The following SDK1 variants were observed in gnomAD, a reference collection of about 807,000 sequenced individuals.
SDK1 encodes the protein protein sidekick-1.
SDK1 carries 157 observed loss-of-function variants against 245.5 expected under a neutral mutation model. The observed-to-expected ratio is 0.64, with a 90% CI of 0.56 to 0.73. The LOEUF (loss-of-function observed/expected upper bound fraction) is 0.73, where lower values mean the gene tolerates loss of function less well. Among genes scored for constraint, SDK1 ranks in the 30% least tolerant of loss-of-function variants. The pLI, the probability that SDK1 is intolerant of heterozygous loss-of-function variation, is 0.00. For synonymous variants in SDK1, 1,647 were observed against 1,278.5 expected (o/e 1.29, Z -6.15); for missense variants, 3,583 against 3,002.3 (o/e 1.19, Z -4.52).
intron 4 of SDK1, among the ~76,000 whole-genome samples, chr7:3,780,920 A>C (rs1185253924): frequency 6.6e-6 from 1 of 152,122 alleles, no homozygotes; most frequent in African/African-American, 2.4e-5. Flanking sequence ...TTACCTAGGA[A>C]GGCAAGCAGT....
At chr7:4,139,987 A>G (rs1041703709) in intron 28 of SDK1, among the ~76,000 whole-genome samples, 2 of 152,086 alleles carry the variant, frequency 1.3e-5, no homozygotes, top group Non-Finnish European at 2.9e-5. Context: ...GAGCCTATTC[A>G]TTGTGCACCT....
At chr7:4,039,832 G>T (rs6462547) in intron 17 of SDK1, among the ~76,000 whole-genome samples, 2 of 151,950 alleles carry the variant, frequency 1.3e-5, no homozygotes, top group Non-Finnish European at 2.9e-5. Flanking sequence ...CGAAGGGAAG[G>T]GGGTGGGGGA....
intron 40 of SDK1, among the ~76,000 whole-genome samples, chr7:4,232,407 C>CTTT (rs201396862): frequency 0.06 from 4,347 of 72,438 alleles, 154 homozygotes; most frequent in Non-Finnish European, 0.074. Context: ...CTTTTCTTTT[C>CTTT]TTTCTTTTTT....
chr7:3,789,055 A>G (rs1780998308), intron 4 of SDK1, among the ~76,000 whole-genome samples: 1 of 152,234 alleles, frequency 6.6e-6, no homozygotes, highest in Non-Finnish European at 1.5e-5. Flanking sequence ...CATATACAAG[A>G]TATGATAATA....
At chr7:4,005,642 G>T (rs1407614116) in intron 14 of SDK1, among the ~76,000 whole-genome samples, 1 of 152,050 alleles carries the variant, frequency 6.6e-6, no homozygotes, top group Non-Finnish European at 1.5e-5. Context: ...TCCCCAAGCG[G>T]GTTTCTGTGG....
chr7:3,922,154 G>T (rs115681429), intron 5 of SDK1, among the ~76,000 whole-genome samples: 1 of 152,110 alleles, frequency 6.6e-6, no homozygotes, highest in Admixed American at 6.5e-5. Context: ...AGTGGCTGAC[G>T]GTAGTCTCTG....
At chr7:3,576,001 T>A (rs1003481846) in intron 1 of SDK1, among the ~76,000 whole-genome samples, 1 of 152,016 alleles carries the variant, frequency 6.6e-6, no homozygotes, top group African/African-American at 2.4e-5. Context: ...GTGAAATATG[T>A]TTGTTTACCT....
chr7:4,224,422 A>G (rs1785306417), intron 40 of SDK1, among the ~76,000 whole-genome samples: 1 of 152,100 alleles, frequency 6.6e-6, no homozygotes, highest in Non-Finnish European at 1.5e-5. Context: ...TTTTTAAACA[A>G]CCAGGTCTCA....
intron 40 of SDK1, among the ~76,000 whole-genome samples, chr7:4,222,419 C>T (rs576240806): frequency 2.0e-5 from 3 of 152,220 alleles, no homozygotes; most frequent in Admixed American, 6.5e-5. Flanking sequence ...CTCAGCCTCC[C>T]GAGTAGCTGG....
At chr7:3,369,009 A>C (rs1049170788) in intron 1 of SDK1, among the ~76,000 whole-genome samples, 11 of 151,984 alleles carry the variant, frequency 7.2e-5, no homozygotes, top group African/African-American at 2.7e-4. Flanking sequence ...AAGTGTCAAT[A>C]ATCATGTAAA....
At chr7:4,055,095 G>C (rs189687334) in intron 19 of SDK1, among the ~76,000 whole-genome samples, 10 of 152,298 alleles carry the variant, frequency 6.6e-5, no homozygotes, top group Admixed American at 5.9e-4. Flanking sequence ...GTTGGTATCA[G>C]AGTAATATGG....
chr7:3,954,851 T>A (rs1228672374), intron 7 of SDK1, among the ~76,000 whole-genome samples: 1 of 151,940 alleles, frequency 6.6e-6, no homozygotes, highest in Admixed American at 6.5e-5. Flanking sequence ...AACTCTATTA[T>A]CCTATATGTC....
chr7:3,425,561 C>T (rs1779653430), intron 1 of SDK1, among the ~76,000 whole-genome samples: 1 of 152,074 alleles, frequency 6.6e-6, no homozygotes, highest in Non-Finnish European at 1.5e-5. Context: ...AATAACTCAG[C>T]AGTCAGAATG....
Position 3,950,919 on chromosome 7 carries a change from A to G in SDK1, c.848-4A>G. 1 of 1,611,024 alleles carries G rather than the reference A, an allele frequency of 6.2e-7. No individual in the cohort carries two copies. Among genetic ancestry groups the G allele is most frequent in the Non-Finnish European group, 8.5e-7 (1 of 1,177,456 alleles). On this transcript the variant is annotated splice_region_variant and splice_polypyrimidine_tract_variant and intron_variant, in intron 5 of 44. Coordinates refer to ENST00000404826, the MANE Select transcript of SDK1 (RefSeq NM_152744.4). ...CATGGACATTTCTCTTTTCTCTGCC[A>G]CAGGAGATGTTGGCACACCTGAAAC...
intron 5 of SDK1, among the ~76,000 whole-genome samples, chr7:3,850,923 G>A (rs2115102090): frequency 6.6e-6 from 1 of 152,212 alleles, no homozygotes; most frequent in African/African-American, 2.4e-5. Context: ...CGACTTAATA[G>A]GTGCAGAACA....
At chr7:4,055,578 C>A (rs867475725) in intron 19 of SDK1, among the ~76,000 whole-genome samples, 4 of 151,368 alleles carry the variant, frequency 2.6e-5, no homozygotes, top group African/African-American at 9.7e-5. Flanking sequence ...TTTTTTAGAA[C>A]CAGCCTCTTG....
At chr7:3,850,701 T>C (rs2115101765) in intron 5 of SDK1, among the ~76,000 whole-genome samples, 1 of 152,296 alleles carries the variant, frequency 6.6e-6, no homozygotes, top group East Asian at 1.9e-4. Context: ...GTTCATGTCT[T>C]TTGTAGGGAC....
At chr7:3,424,064 A>C (rs985846742) in intron 1 of SDK1, among the ~76,000 whole-genome samples, 4 of 152,020 alleles carry the variant, frequency 2.6e-5, no homozygotes, top group African/African-American at 9.7e-5. Context: ...GGTGCGCGCC[A>C]CCATGCCTAG....
intron 4 of SDK1, among the ~76,000 whole-genome samples, chr7:3,732,783 T>A (rs933436476): frequency 1.3e-5 from 2 of 152,216 alleles, no homozygotes; most frequent in Non-Finnish European, 2.9e-5. Context: ...AAGCCTCATA[T>A]GGCCATGGTT....
Sources: allele counts gnomAD v4.1 joint callset (sites outside exome capture counted in the v4.1 genomes callset), GRCh38; gene constraint gnomAD v4.1.1; transcripts MANE v1.5; gene names NCBI Gene and HGNC (gene_info 2026-07-23, HGNC 2026-07-21).